CNOT6: variants seen among roughly 807,000 people sequenced by gnomAD.
The protein encoded by CNOT6 is carbon catabolite repression 4 protein.
A neutral mutation model predicts 61.2 loss-of-function variants in CNOT6; 12 were observed. The observed-to-expected ratio is 0.20, with a 90% CI of 0.13 to 0.32. The LOEUF (loss-of-function observed/expected upper bound fraction) is 0.32, where lower values mean the gene tolerates loss of function less well. Among genes scored for constraint, CNOT6 ranks in the 10% least tolerant of loss-of-function variants. The pLI is 1.00. For synonymous variants in CNOT6, 225 were observed against 240.6 expected (o/e 0.94, Z 0.60); for missense variants, 405 against 663.9 (o/e 0.61, Z 4.28).
rs199712153 is a variant in CNOT6, at chr5:180,564,590, A to G, written c.487A>G (p.Arg163Gly). Reference protein sequence around the residue: ...LLDNLSGTAKRITTEQPPPRS... With the variant: ...LLDNLSGTAKGITTEQPPPRS... ...TGATAATTTGTCAGGTACTGCAAAA[A>G]GAAGTAAGTGGTTATTTGTTTAAAC... The change falls in exon 5 of 12, where the codon AGA becomes GGA. Residue 163 changes from arginine (R) to glycine (G), a missense_variant. Coordinates refer to ENST00000261951, the MANE Select transcript of CNOT6 (RefSeq NM_001370472.1). 2 of 1,613,014 alleles carry G rather than the reference A, an allele frequency of 1.2e-6. No homozygotes were observed. The highest frequency in any genetic ancestry group is 1.3e-5 in the African/African-American group (1 of 75,038).
chr5:180,507,026 C>A (rs1757160695), intron 1 of CNOT6, among the ~76,000 whole-genome samples: 1 of 152,144 alleles, frequency 6.6e-6, no homozygotes, highest in South Asian at 2.1e-4. Flanking sequence ...CAGTAAACTT[C>A]TGTGTTTGGG....
Position 180,577,286 on chromosome 5 carries a change from C to A in CNOT6, c.*3086C>A, listed in dbSNP as rs535525094. On this transcript the variant is annotated 3_prime_UTR_variant, in exon 12 of 12. Transcript: ENST00000261951. ...ACATTATTAAATTGGATGGAATGCACTTCTAAATGTTTAAATTAAAATTTC... is the reference window on the plus strand; with the variant it reads ...ACATTATTAAATTGGATGGAATGCAATTCTAAATGTTTAAATTAAAATTTC... 1.3e-5 allele frequency: 2 copies of A among 152,348 alleles called. No homozygotes were observed. Among genetic ancestry groups the A allele is most frequent in the Non-Finnish European group, 2.9e-5 (2 of 68,000 alleles). 9.4% of individuals were successfully genotyped at this position (152,348 alleles called of 1,614,324 possible). A position where few individuals can be genotyped will look rare whatever the true frequency, so the allele number is the denominator to read the frequency against.
intron 11 of CNOT6, among the ~76,000 whole-genome samples, chr5:180,572,029 T>C (rs998901052): frequency 3.9e-5 from 6 of 152,206 alleles, no homozygotes; most frequent in Non-Finnish European, 7.3e-5. Flanking sequence ...ATGTTTCTTA[T>C]ATTCTCATTA....
intron 1 of CNOT6, among the ~76,000 whole-genome samples, chr5:180,502,608 A>G (rs1311617580): frequency 6.6e-6 from 1 of 152,238 alleles, no homozygotes; most frequent in Admixed American, 6.5e-5. Context: ...AGTTATTGCT[A>G]CAAACACATA....
At chr5:180,548,518 TTC>T (rs1243297642) in intron 2 of CNOT6, among the ~76,000 whole-genome samples, 1 of 152,194 alleles carries the variant, frequency 6.6e-6, no homozygotes, top group Non-Finnish European at 1.5e-5. Flanking sequence ...TCCCTGGACT[TTC>T]TGTCTCTGGA....
chr5:180,541,856 T>C (rs1173141557), intron 2 of CNOT6, among the ~76,000 whole-genome samples: 1 of 151,670 alleles, frequency 6.6e-6, no homozygotes, highest in African/African-American at 2.4e-5. Flanking sequence ...AGAAATTTTT[T>C]TAGCAGACGG....
intron 4 of CNOT6, among the ~76,000 whole-genome samples, chr5:180,562,274 G>A (rs1760226258): frequency 6.6e-6 from 1 of 152,178 alleles, no homozygotes; most frequent in Non-Finnish European, 1.5e-5. Flanking sequence ...CTAGTGGGAA[G>A]AATAGGGAAA....
chr5:180,524,246 TC>T (rs1340137388), intron 1 of CNOT6, among the ~76,000 whole-genome samples: 1 of 152,220 alleles, frequency 6.6e-6, no homozygotes, highest in Non-Finnish European at 1.5e-5. Context: ...GTAGTAATCT[TC>T]AGTGACATAC....
At chr5:180,550,890 G>A (rs1759561817) in intron 3 of CNOT6, among the ~76,000 whole-genome samples, 1 of 152,126 alleles carries the variant, frequency 6.6e-6, no homozygotes, top group South Asian at 2.1e-4. Flanking sequence ...GAAATATATA[G>A]CATTTGGATT....
intron 1 of CNOT6, among the ~76,000 whole-genome samples, chr5:180,499,958 G>A (rs1189147441): frequency 6.6e-6 from 1 of 152,062 alleles, no homozygotes; most frequent in Non-Finnish European, 1.5e-5. Context: ...AGTTCAGTTC[G>A]GCTGGGTGCA....
At position 180,567,979 on chromosome 5, in the gene CNOT6, C is replaced by T. The variant is rs769929322; in HGVS notation, c.1003C>T (p.Arg335Trp). 13 of 1,608,636 alleles carry T rather than the reference C, an allele frequency of 8.1e-6. No individual in the cohort carries two copies. Among genetic ancestry groups the T allele is most frequent in the African/African-American group, 4.0e-5 (3 of 74,820 alleles). The change falls in exon 9 of 12, where the codon CGG (arginine) becomes TGG (tryptophan). Residue 335 changes from arginine to tryptophan, a missense_variant. This residue lies in a region of CNOT6 where 116 missense variants were observed against 184.6 expected (regional missense o/e 0.63). Coordinates refer to ENST00000261951, the MANE Select transcript of CNOT6 (RefSeq NM_001370472.1). ...NIGVAVLLELRKESIEMPSGK... is the reference protein window; with the variant it reads ...NIGVAVLLELWKESIEMPSGK... ...TGGGGTTGCAGTACTGCTAGAACTT[C>T]GGAAGGAATCGATTGAAATGCCGTG...
chr5:180,507,590 G>A (rs775691864), intron 1 of CNOT6, among the ~76,000 whole-genome samples: 8 of 150,026 alleles, frequency 5.3e-5, no homozygotes, highest in African/African-American at 9.7e-5. Context: ...GGACAAGAGC[G>A]AGACTCCGTT....
intron 9 of CNOT6, 129 bp from the exon 10 acceptor site, chr5:180,568,981 C>T (rs1001263021): frequency 1.7e-5 from 11 of 664,584 alleles, no homozygotes; most frequent in East Asian, 5.5e-5. Context: ...TTCAGTCATC[C>T]GGTGGGAATT....
At chr5:180,553,284 T>G in intron 3 of CNOT6, 102 bp from the exon 4 acceptor site, 1 of 730,284 alleles carries the variant, frequency 1.4e-6, no homozygotes, top group Non-Finnish European at 2.3e-6. Context: ...ACGTAACATT[T>G]TTTCATTCTT....
intron 9 of CNOT6, 77 bp from the exon 10 acceptor site, chr5:180,569,033 C>G (rs1246045135): frequency 5.7e-6 from 6 of 1,058,586 alleles, no homozygotes; most frequent in African/African-American, 1.6e-5. Flanking sequence ...AGATTATTTG[C>G]TTTCAGACGC....
At chr5:180,560,519 C>T (rs919152479) in intron 4 of CNOT6, among the ~76,000 whole-genome samples, 6 of 152,050 alleles carry the variant, frequency 3.9e-5, no homozygotes, top group African/African-American at 9.7e-5. Context: ...ACAGTTCTTT[C>T]GACACCTGAA....
chr5:180,532,571 G>C (rs1400075215), intron 2 of CNOT6, among the ~76,000 whole-genome samples: 1 of 152,102 alleles, frequency 6.6e-6, no homozygotes, highest in Non-Finnish European at 1.5e-5. Context: ...GTGACCAAAG[G>C]TGTGGGTTTC....
intron 2 of CNOT6, among the ~76,000 whole-genome samples, chr5:180,540,197 A>T (rs904153909): frequency 3.3e-5 from 5 of 151,964 alleles, no homozygotes; most frequent in African/African-American, 1.2e-4. Context: ...CTTACTGTGG[A>T]CACCCTGTAC....
chr5:180,537,098 G>A (rs1758734945), intron 2 of CNOT6, among the ~76,000 whole-genome samples: 1 of 152,228 alleles, frequency 6.6e-6, no homozygotes, highest in South Asian at 2.1e-4. Context: ...TTTTGGTAAA[G>A]CTACTATAAA....
Sources: allele counts gnomAD v4.1 joint callset (sites outside exome capture counted in the v4.1 genomes callset), GRCh38; gene constraint gnomAD v4.1.1; regional missense constraint gnomAD v4.1.1; transcripts MANE v1.5; gene names NCBI Gene and HGNC (gene_info 2026-07-23, HGNC 2026-07-21).